The following KIF9 variants were observed in gnomAD, a reference collection of about 807,000 sequenced individuals.
KIF9 encodes the protein kinesin-like protein KIF9.
KIF9 carries 68 observed loss-of-function variants against 94.8 expected under a neutral mutation model. The observed-to-expected ratio is 0.72, with a 90% CI of 0.59 to 0.88. KIF9 has a LOEUF of 0.88. KIF9 is among the 40% of genes least tolerant of loss of function. KIF9 has a pLI of 0.00. For synonymous variants in KIF9, 343 were observed against 362.1 expected (o/e 0.95, Z 0.60); for missense variants, 882 against 982.5 (o/e 0.90, Z 1.37).
intron 10 of KIF9, among the ~76,000 whole-genome samples, chr3:47,254,246 T>A (rs1700436366): frequency 6.6e-6 from 1 of 152,160 alleles, no homozygotes; most frequent in South Asian, 2.1e-4. Flanking sequence ...TCACCTGAGG[T>A]CAGGAGTTTG....
At chr3:47,262,908 T>G (rs1701072893) in intron 9 of KIF9, among the ~76,000 whole-genome samples, 1 of 152,078 alleles carries the variant, frequency 6.6e-6, no homozygotes, top group African/African-American at 2.4e-5. Context: ...GGTTTTTTTG[T>G]TTTGTTTTTT....
rs1699920472 is a variant in KIF9, at chr3:47,246,254, T to C, written c.1234-2A>G. The C allele has an allele frequency of 6.2e-7, 1 of 1,610,874 alleles. No individual in the cohort carries two copies. The highest frequency in any genetic ancestry group is 8.5e-7 in the Non-Finnish European group (1 of 1,178,320). On this transcript the variant is annotated splice_acceptor_variant, in intron 12 of 20. Coordinates refer to ENST00000684063, the MANE Select transcript of KIF9 (RefSeq NM_182902.4). LOFTEE classifies it high-confidence loss of function. The stretch of plus-strand genomic sequence containing the variant: ...CTTGATCTGTCTAAGGCTGATTATC[T>C]GGAGGGAAGACAGCAAGGCAGAGGT...
chr3:47,265,734 C>T lies in KIF9; in HGVS notation c.912G>A (p.Ser304=), dbSNP rs755773257. The T allele has an allele frequency of 4.3e-6, 7 of 1,613,928 alleles. No homozygotes were observed. Among genetic ancestry groups the T allele is most frequent in the African/African-American group, 1.3e-5 (1 of 74,906 alleles). Reference sequence around the variant, plus strand: ...GCAGCAACTGTACCCCCTCACCTAACGAGTCCTTCAGAGCGTGGGTGAGCT... The same window carrying T: ...GCAGCAACTGTACCCCCTCACCTAATGAGTCCTTCAGAGCGTGGGTGAGCT... ...QCKLTHALKD[S]LGGNCNMVLV... Residue 304 remains serine, a synonymous_variant, in exon 8 of 21, where the codon TCG becomes TCA. Transcript: ENST00000684063.
chr3:47,244,897 G>A lies in KIF9; in HGVS notation c.1408C>T (p.Leu470=), dbSNP rs754271324. Residue 470 remains leucine (L), a synonymous_variant, in exon 15 of 21, where the codon CTA becomes TTA. Coordinates refer to ENST00000684063, the MANE Select transcript of KIF9 (RefSeq NM_182902.4). ...TTTTGTCCTTCAGGCTCACCCACTA[G>A]GTGGCCATCAACATCCACAAGCCCC... is the stretch of plus-strand genomic sequence containing the variant. ...KAGLVDVDGH[L]VGEPEGQNFG... 5 of 1,614,150 alleles carry A rather than the reference G, an allele frequency of 3.1e-6. No homozygotes were observed. Among genetic ancestry groups the A allele is most frequent in the Non-Finnish European group, 4.2e-6 (5 of 1,180,016 alleles).
In KIF9 at chr3:47,236,153, C is replaced by T; in HGVS notation, c.2102-4G>A. On this transcript the variant is annotated splice_region_variant and splice_polypyrimidine_tract_variant and intron_variant, in intron 18 of 20. Coordinates refer to ENST00000684063, the MANE Select transcript of KIF9 (RefSeq NM_182902.4). ...TCATTGTACCAGATGTCAAATTCTA[C>T]AAGGAGGTGAGGAGACAGAACTTGA... 1.2e-6 allele frequency: 2 copies of T among 1,607,658 alleles called. No individual in the cohort carries two copies. Among genetic ancestry groups the T allele is most frequent in the Non-Finnish European group, 1.7e-6 (2 of 1,174,162 alleles).
In KIF9 at chr3:47,228,765, G is replaced by A. The variant is rs1575893248; in HGVS notation, c.2323-63C>T. The A allele has an allele frequency of 6.0e-6, 8 of 1,330,536 alleles. No homozygotes were observed. The East Asian group carries it at 1.8e-4, about 31-fold the overall frequency. The allele number at this position is 1,330,536 out of a possible 1,614,324, so 82.4% of individuals were successfully genotyped here. A position where few individuals can be genotyped will look rare whatever the true frequency, so the allele number is the denominator to read the frequency against. ...GAGGGACAGACATAGCAGGGACTCA[G>A]ACCAGGCCACTCACATTCACCCTAT... is the stretch of plus-strand genomic sequence containing the variant. On this transcript the variant is annotated intron_variant, in intron 20 of 20. Coordinates refer to ENST00000684063, the MANE Select transcript of KIF9 (RefSeq NM_182902.4).
intron 1 of KIF9, among the ~76,000 whole-genome samples, chr3:47,281,674 T>C (rs916034910): frequency 6.6e-6 from 1 of 152,188 alleles, no homozygotes; most frequent in African/African-American, 2.4e-5. Flanking sequence ...CAGGACCTTG[T>C]GGGGAATGTC....
Position 47,258,552 on chromosome 3 carries a change from G to T in KIF9, c.982-992C>A, listed in dbSNP as rs542866560. Among the ~76,000 whole-genome samples the T allele has an allele frequency of 2.6e-5, 4 of 152,348 alleles. No individual in the cohort carries two copies. The South Asian group carries it at 8.3e-4, about 32-fold the overall frequency. On this transcript the variant is annotated intron_variant, in intron 9 of 20. Coordinates refer to ENST00000684063, the MANE Select transcript of KIF9 (RefSeq NM_182902.4). ...CAATGCTGGAGGTGGGGCCTGGTGGGAGATGATTGGATCATGGGGATGGAC... is the reference window on the plus strand; with the variant it reads ...CAATGCTGGAGGTGGGGCCTGGTGGTAGATGATTGGATCATGGGGATGGAC...
At chr3:47,246,337 C>A in intron 12 of KIF9, 85 bp from the exon 13 acceptor site, 2 of 1,111,750 alleles carry the variant, frequency 1.8e-6, no homozygotes, top group Non-Finnish European at 2.6e-6. Context: ...GAAATCAAGA[C>A]CCCTTGGCTG....
intron 9 of KIF9, among the ~76,000 whole-genome samples, chr3:47,259,162 G>T (rs1700804697): frequency 1.3e-5 from 2 of 152,212 alleles, no homozygotes. Flanking sequence ...GCTAAGAAAG[G>T]CTGCTCTGGG....
intron 9 of KIF9, chr3:47,263,783 G>A: frequency 4.4e-6 from 2 of 450,916 alleles, no homozygotes; most frequent in Non-Finnish European, 8.9e-6. Flanking sequence ...TGAGGATGCT[G>A]AGGCCCAAGG....
chr3:47,235,974 G>C, intron 19 of KIF9, 60 bp downstream of exon 19: 2 of 1,240,854 alleles, frequency 1.6e-6, no homozygotes, highest in South Asian at 2.4e-5. Context: ...AGACATCAAG[G>C]GGCACTGCCC....
intron 17 of KIF9, chr3:47,239,475 C>A (rs181697159): frequency 1.2e-6 from 1 of 839,030 alleles, no homozygotes; most frequent in Non-Finnish European, 1.5e-6. Flanking sequence ...TTCCCAGACC[C>A]GTGGAGGGCT....
intron 5 of KIF9, 80 bp from the exon 6 acceptor site, chr3:47,267,343 A>G (rs2107454148): frequency 1.0e-6 from 1 of 973,922 alleles, no homozygotes; most frequent in Non-Finnish European, 1.7e-6. Flanking sequence ...AATTATACCA[A>G]TAGCTACACA....
At chr3:47,271,537 T>C in intron 4 of KIF9, 76 bp from the exon 5 acceptor site, 1 of 993,998 alleles carries the variant, frequency 1.0e-6, no homozygotes, top group East Asian at 2.4e-5. Context: ...GCTTCCTAAC[T>C]CAGAAGGGAA....
chr3:47,276,378 A>T (rs1701966222), intron 2 of KIF9, among the ~76,000 whole-genome samples: 1 of 151,944 alleles, frequency 6.6e-6, no homozygotes, highest in Admixed American at 6.6e-5. Flanking sequence ...CAACATGGCA[A>T]AACCCCGTCT....
chr3:47,238,921 C>T (rs891792344), intron 17 of KIF9, among the ~76,000 whole-genome samples: 16 of 152,198 alleles, frequency 1.1e-4, no homozygotes, highest in Non-Finnish European at 1.6e-4. Context: ...CCTCGGCCTC[C>T]CAAAGTGCTG....
Position 47,282,513 on chromosome 3 carries a change from G to A in KIF9, c.-24C>T, listed in dbSNP as rs1293473157. On this transcript the variant is annotated 5_prime_UTR_variant, in exon 1 of 21. Coordinates refer to ENST00000684063, the MANE Select transcript of KIF9 (RefSeq NM_182902.4). ...TGCTCACCGTTCACCAGGCAGCGACGCTCCCGGGACGCGACTGCCGCAACC... is the reference window on the plus strand; with the variant it reads ...TGCTCACCGTTCACCAGGCAGCGACACTCCCGGGACGCGACTGCCGCAACC... 4 of 995,024 alleles carry A rather than the reference G, an allele frequency of 4.0e-6. No homozygotes were observed. Among genetic ancestry groups the A allele is most frequent in the African/African-American group, 1.7e-5 (1 of 57,344 alleles). 61.6% of individuals were successfully genotyped at this position (995,024 alleles called of 1,614,324 possible).
intron 9 of KIF9, chr3:47,263,868 T>G: frequency 2.2e-6 from 1 of 457,410 alleles, no homozygotes; most frequent in South Asian, 1.5e-5. Flanking sequence ...TACCATCTGC[T>G]CATACTGGCC....
Sources: gnomAD v4.1 joint callset for allele counts (sites outside exome capture counted in the v4.1 genomes callset) on GRCh38, gnomAD v4.1.1 for gene constraint, MANE v1.5 for transcripts, NCBI Gene and HGNC (gene_info 2026-07-23, HGNC 2026-07-21) for gene names.